Variants in LIPI observed in about 807,000 individuals in gnomAD.
LIPI encodes the protein lipase I.
In LIPI, 59 loss-of-function variants were observed where a neutral mutation model predicts 50.6. That is an observed-to-expected ratio of 1.16 (90% CI 0.94 to 1.45). The LOEUF (loss-of-function observed/expected upper bound fraction) is 1.45, where lower values mean the gene tolerates loss of function less well. Ranked by LOEUF, LIPI falls within the 40% of genes most tolerant of loss-of-function variation. LIPI has a pLI of 0.00. For missense variants in LIPI, 586 were observed against 536.3 expected (o/e 1.09, Z -0.92); for synonymous variants, 203 against 178.2 (o/e 1.14, Z -1.11).
At chr21:14,187,782 C>T (rs946910311) in intron 2 of LIPI, among the ~76,000 whole-genome samples, 1 of 151,928 alleles carries the variant, frequency 6.6e-6, no homozygotes, top group Non-Finnish European at 1.5e-5. Flanking sequence ...TAAATGTCAC[C>T]CACTGATTAA....
chr21:14,185,826 T>C (rs2019432587), intron 3 of LIPI, 135 bp downstream of exon 3: 3 of 593,900 alleles, frequency 5.1e-6, no homozygotes, highest in Non-Finnish European at 9.0e-6. Flanking sequence ...GAGGTTGCAG[T>C]GAGCCGAGAT....
chr21:14,149,708 C>T lies in LIPI; in HGVS notation c.1118+2865G>A, dbSNP rs1046612733. 1.6e-4 allele frequency among the ~76,000 whole-genome samples: 25 copies of T among 152,334 alleles called. 1 individual carries two copies. Among genetic ancestry groups the T allele is most frequent in the South Asian group, 4.1e-4 (2 of 4,828 alleles). The stretch of plus-strand genomic sequence containing the variant: ...AAAACAAAGGGGCTACAGGCCCCAT[C>T]CAAGTCTGAAATCCAATAGGGCAGT... On this transcript the variant is annotated intron_variant, in intron 8 of 9. Transcript: ENST00000681601.
chr21:14,161,650 T>TTATATATTAATGTATAATATATACATTAA (rs2018480950), intron 7 of LIPI, among the ~76,000 whole-genome samples: 1 of 110,054 alleles, frequency 9.1e-6, no homozygotes, highest in African/African-American at 3.7e-5. Context: ...ATATACATTA[T>TTATATATTAATGTATAATATATACATTAA]TATATATTAA....
intron 6 of LIPI, among the ~76,000 whole-genome samples, 174 bp from the exon 7 acceptor site, chr21:14,163,697 A>C (rs1039116917): frequency 7.2e-6 from 1 of 139,012 alleles, no homozygotes; most frequent in East Asian, 2.0e-4. Flanking sequence ...TATTTTAATT[A>C]CAATAACAAC....
chr21:14,110,494 C>T (rs1478101394), intron 9 of LIPI, among the ~76,000 whole-genome samples: 1 of 151,924 alleles, frequency 6.6e-6, no homozygotes, highest in East Asian at 1.9e-4. Context: ...AAGCATTCAA[C>T]ATCTACTCTG....
intron 8 of LIPI, among the ~76,000 whole-genome samples, chr21:14,150,436 T>A (rs182066044): frequency 6.6e-6 from 1 of 152,316 alleles, no homozygotes; most frequent in East Asian, 1.9e-4. Flanking sequence ...GATCTTCTTT[T>A]ATAAAACATT....
At chr21:14,157,645 C>T (rs2018319428) in intron 7 of LIPI, among the ~76,000 whole-genome samples, 1 of 151,828 alleles carries the variant, frequency 6.6e-6, no homozygotes, top group Non-Finnish European at 1.5e-5. Flanking sequence ...TACTCAGATG[C>T]AAACATATGC....
chr21:14,130,697 C>G (rs1011320993), intron 9 of LIPI, among the ~76,000 whole-genome samples: 1 of 152,200 alleles, frequency 6.6e-6, no homozygotes, highest in Non-Finnish European at 1.5e-5. Context: ...CAGCTGCCAA[C>G]CAGCCAGAGG....
intron 9 of LIPI, among the ~76,000 whole-genome samples, chr21:14,112,266 G>A (rs2016446326): frequency 6.6e-6 from 1 of 151,998 alleles, no homozygotes; most frequent in Admixed American, 6.5e-5. Context: ...GAAGTTATTT[G>A]GTGTGATGTC....
intron 4 of LIPI, among the ~76,000 whole-genome samples, chr21:14,176,156 C>T (rs760309134): frequency 6.0e-4 from 83 of 137,782 alleles, no homozygotes; most frequent in Non-Finnish European, 1.0e-3. Flanking sequence ...CCAGCCTGGG[C>T]GACAGTGAGA....
chr21:14,121,992 TA>T (rs1324596859), intron 9 of LIPI, among the ~76,000 whole-genome samples: 5 of 152,224 alleles, frequency 3.3e-5, no homozygotes, highest in Non-Finnish European at 7.3e-5. Flanking sequence ...GCTAGATAAG[TA>T]AATGTGGATT....
In LIPI at chr21:14,108,942, T is replaced by C. The variant is rs1318294278; in HGVS notation, c.*51A>G. On this transcript the variant is annotated 3_prime_UTR_variant, in exon 10 of 10. Coordinates refer to ENST00000681601, the MANE Select transcript of LIPI (RefSeq NM_001302998.2). ...ATAAAAGACTGATTGCATTGTTTCA[T>C]TTACAAGTCCATTAATTCACAAGCA... The C allele has an allele frequency of 6.2e-7, 1 of 1,606,342 alleles. No individual in the cohort carries two copies. Among genetic ancestry groups the C allele is most frequent in the East Asian group, 2.2e-5 (1 of 44,664 alleles).
intron 1 of LIPI, among the ~76,000 whole-genome samples, chr21:14,205,827 T>C (rs2020211316): frequency 6.6e-6 from 1 of 152,128 alleles, no homozygotes. Flanking sequence ...AAGATTAGTA[T>C]TAATTTTTGT....
chr21:14,125,464 C>T (rs1488602920), intron 9 of LIPI, among the ~76,000 whole-genome samples: 1 of 152,116 alleles, frequency 6.6e-6, no homozygotes, highest in Non-Finnish European at 1.5e-5. Flanking sequence ...TTGGTTCATC[C>T]AAAAAGGCAG....
chr21:14,182,146 T>C (rs1204948758), intron 3 of LIPI, among the ~76,000 whole-genome samples: 1 of 152,138 alleles, frequency 6.6e-6, no homozygotes, highest in African/African-American at 2.4e-5. Flanking sequence ...ATAAAGTAGT[T>C]TATATTTAAT....
At chr21:14,115,219 G>A (rs1457390647) in intron 9 of LIPI, among the ~76,000 whole-genome samples, 2 of 152,050 alleles carry the variant, frequency 1.3e-5, no homozygotes, top group Non-Finnish European at 2.9e-5. Flanking sequence ...GAGGCTCAGC[G>A]AGTTCCTGCT....
chr21:14,189,273 A>C lies in LIPI; in HGVS notation c.193T>G (p.Ser65Ala). The C allele has an allele frequency of 6.2e-7, 1 of 1,613,862 alleles. No individual in the cohort carries two copies. Among genetic ancestry groups the C allele is most frequent in the South Asian group, 1.1e-5 (1 of 91,074 alleles). Residue 65 changes from serine (S) to alanine (A), a missense_variant, in exon 2 of 10, where the codon TCA (serine) becomes GCA (alanine). Coordinates refer to ENST00000681601, the MANE Select transcript of LIPI (RefSeq NM_001302998.2). Reference sequence around the variant, plus strand: ...TGTGTGTTGAAATTAACATTAAGTGAGTTATTTTGTTCAAACAGTGGCTCA... The same window carrying C: ...TGTGTGTTGAAATTAACATTAAGTGCGTTATTTTGTTCAAACAGTGGCTCA... Reference protein sequence around the residue: ...CAEPLFEQNNSLNVNFNTQKK... With the variant: ...CAEPLFEQNNALNVNFNTQKK...
intron 7 of LIPI, among the ~76,000 whole-genome samples, chr21:14,159,859 A>G (rs1217164981): frequency 6.6e-6 from 1 of 151,398 alleles, no homozygotes; most frequent in Non-Finnish European, 1.5e-5. Context: ...ATGTGGAGAT[A>G]CCAAAATTTA....
intron 1 of LIPI, among the ~76,000 whole-genome samples, chr21:14,202,130 G>C (rs2123336541): frequency 6.6e-6 from 1 of 152,290 alleles, no homozygotes; most frequent in South Asian, 2.1e-4. Context: ...TACAAGGGAT[G>C]TGAAGGACCT....
Sources: allele counts gnomAD v4.1 joint callset (sites outside exome capture counted in the v4.1 genomes callset), GRCh38; gene constraint gnomAD v4.1.1; transcripts MANE v1.5; gene names NCBI Gene and HGNC (gene_info 2026-07-23, HGNC 2026-07-21).